The following USP33 variants were observed in gnomAD, a reference collection of about 807,000 sequenced individuals.
USP33 encodes ubiquitin carboxyl-terminal hydrolase 33.
A neutral mutation model predicts 124.2 loss-of-function variants in USP33; 46 were observed. That is an observed-to-expected ratio of 0.37 (90% CI 0.29 to 0.47). The LOEUF is 0.47. USP33 is among the 20% of genes least tolerant of loss of function. The pLI is 0.99. For synonymous variants in USP33, 350 were observed against 352.3 expected (o/e 0.99, Z 0.07); for missense variants, 851 against 1,070.6 (o/e 0.79, Z 2.86).
chr1:77,719,572 G>A (rs935201201), intron 15 of USP33, among the ~76,000 whole-genome samples: 1 of 152,010 alleles, frequency 6.6e-6, no homozygotes, highest in African/African-American at 2.4e-5. Context: ...CAAACTCTTG[G>A]CCAGGCACCG....
At chr1:77,742,809 G>A (rs1233425656) in intron 1 of USP33, among the ~76,000 whole-genome samples, 14 of 151,940 alleles carry the variant, frequency 9.2e-5, no homozygotes, top group Non-Finnish European at 1.8e-4. Context: ...TTCCTTTGTG[G>A]TTTATAAGTT....
intron 16 of USP33, among the ~76,000 whole-genome samples, chr1:77,718,310 G>C (rs1676153701): frequency 6.6e-6 from 1 of 152,292 alleles, no homozygotes; most frequent in South Asian, 2.1e-4. Context: ...TGGAAATGGT[G>C]AAACATGGTA....
chr1:77,723,288 T>G lies in USP33; in HGVS notation c.1389+43A>C, dbSNP rs1676785435. ...CATCTTGTCACATTTTTAAAAATCA[T>G]TTGACACGAATTTTCTGTGTATTCT... is the stretch of plus-strand genomic sequence containing the variant. On this transcript the variant is annotated intron_variant, in intron 12 of 23. Coordinates refer to ENST00000370794, the MANE Select transcript of USP33 (RefSeq NM_201624.3). 3.6e-6 allele frequency: 5 copies of G among 1,406,060 alleles called. No individual in the cohort carries two copies. The East Asian group carries it at 1.2e-4, about 32-fold the overall frequency. 87.1% of individuals were successfully genotyped at this position (1,406,060 alleles called of 1,614,324 possible).
chr1:77,703,497 G>T (rs955773222), intron 21 of USP33, among the ~76,000 whole-genome samples: 9 of 152,188 alleles, frequency 5.9e-5, no homozygotes, highest in Non-Finnish European at 1.3e-4. Context: ...GGTGGTGGGT[G>T]CCTGTAATCC....
intron 1 of USP33, among the ~76,000 whole-genome samples, chr1:77,749,192 C>T (rs921474085): frequency 1.3e-5 from 2 of 152,124 alleles, no homozygotes; most frequent in African/African-American, 2.4e-5. Context: ...TTTACTCATT[C>T]CCAATCTTGT....
chr1:77,696,807 G>A lies in USP33; in HGVS notation c.*510C>T, dbSNP rs1378774870. The A allele has an allele frequency of 6.6e-6, 1 of 152,390 alleles. No homozygotes were observed. Among genetic ancestry groups the A allele is most frequent in the Non-Finnish European group, 1.5e-5 (1 of 68,228 alleles). The allele number at this position is 152,390 out of a possible 1,614,324, so 9.4% of individuals were successfully genotyped here. A position where few individuals can be genotyped will look rare whatever the true frequency, so the allele number is the denominator to read the frequency against. On this transcript the variant is annotated 3_prime_UTR_variant, in exon 24 of 24. Transcript: ENST00000370794. ...TTTCAAAAATATTACACTGGGCCAG[G>A]CGCTGTGGCTCACACCTGTAATCCC...
intron 21 of USP33, among the ~76,000 whole-genome samples, chr1:77,705,981 G>C (rs540099560): frequency 6.6e-6 from 1 of 152,308 alleles, no homozygotes; most frequent in Admixed American, 6.5e-5. Context: ...TCATGGATCA[G>C]TACGCCATGA....
intron 1 of USP33, among the ~76,000 whole-genome samples, chr1:77,750,174 C>T (rs1429504826): frequency 1.3e-5 from 2 of 151,896 alleles, no homozygotes; most frequent in Admixed American, 6.6e-5. Context: ...AAAAATTAGC[C>T]GTGCATAGTG....
intron 21 of USP33, among the ~76,000 whole-genome samples, chr1:77,702,072 G>A (rs934329054): frequency 7.3e-6 from 1 of 136,924 alleles, no homozygotes; most frequent in Non-Finnish European, 1.5e-5. Context: ...AGCCCAGAAG[G>A]TTGAGACTAC....
chr1:77,738,360 C>T (rs2101535866), intron 5 of USP33, among the ~76,000 whole-genome samples: 1 of 152,270 alleles, frequency 6.6e-6, no homozygotes, highest in African/African-American at 2.4e-5. Context: ...GCCAACTATT[C>T]TAAGTTAATT....
rs1371934140 is a variant in USP33 at position 77,701,055 on chromosome 1, A to G, written c.2509+314T>C. On this transcript the variant is annotated intron_variant, in intron 22 of 23. Coordinates refer to ENST00000370794, the MANE Select transcript of USP33 (RefSeq NM_201624.3). ...AATATTGTCATACAATTTTACTTTA[A>G]AAGTCCACTGTATTGAATAAACCAT... Among the ~76,000 whole-genome samples the G allele has an allele frequency of 2.0e-5, 3 of 152,306 alleles. No individual in the cohort carries two copies. The East Asian group carries it at 5.8e-4, about 29-fold the overall frequency.
At chr1:77,718,069 A>C in intron 16 of USP33, 22 bp from the exon 17 acceptor site, 10 of 1,565,030 alleles carry the variant, frequency 6.4e-6, no homozygotes, top group Non-Finnish European at 8.7e-6. Context: ...TAAAATTCAA[A>C]ACTAATTTGT....
chr1:77,748,572 G>A (rs1456348713), intron 1 of USP33, among the ~76,000 whole-genome samples: 1 of 152,024 alleles, frequency 6.6e-6, no homozygotes, highest in Non-Finnish European at 1.5e-5. Flanking sequence ...AGGAGACTGA[G>A]GCAGGAGAAT....
chr1:77,699,565 G>A (rs1673777328), intron 22 of USP33, among the ~76,000 whole-genome samples: 1 of 152,170 alleles, frequency 6.6e-6, no homozygotes, highest in African/African-American at 2.4e-5. Context: ...AGGCTGTGGA[G>A]AAATGGGAAC....
intron 15 of USP33, among the ~76,000 whole-genome samples, chr1:77,718,868 G>T (rs1676225152): frequency 6.8e-6 from 1 of 148,012 alleles, no homozygotes; most frequent in Admixed American, 6.8e-5. Flanking sequence ...CACGGAGTTT[G>T]CAGAGAGCCA....
chr1:77,758,369 GA>G (rs1255844856), intron 1 of USP33, among the ~76,000 whole-genome samples: 1 of 151,832 alleles, frequency 6.6e-6, no homozygotes, highest in African/African-American at 2.4e-5. Flanking sequence ...TTTTAGTACA[GA>G]CGGGGTTTCA....
chr1:77,716,224 A>C (rs887361331), intron 17 of USP33, among the ~76,000 whole-genome samples: 7 of 151,784 alleles, frequency 4.6e-5, no homozygotes, highest in Admixed American at 2.0e-4. Flanking sequence ...ACACCCAGCT[A>C]ATTTATTTTT....
At chr1:77,707,614 CAGAG>C (rs776093339) in intron 21 of USP33, among the ~76,000 whole-genome samples, 1 of 152,068 alleles carries the variant, frequency 6.6e-6, no homozygotes, top group East Asian at 1.9e-4. Flanking sequence ...TTTCCATACT[CAGAG>C]AGAGAAATTT....
Position 77,736,061 on chromosome 1 carries a change from G to A in USP33, c.449C>T (p.Ala150Val). The change falls in exon 6 of 24, where the codon GCC becomes GTC. Residue 150 changes from alanine to valine, a missense_variant. By Grantham distance (64) the Ala-to-Val change is moderately conservative. Transcript: ENST00000370794. ...IEADEEDELRARGLTGLKNIG... is the reference protein window; with the variant it reads ...IEADEEDELRVRGLTGLKNIG... ...GTTACACAGGATTAATTTACCTCTG[G>A]CCCTAAGTTCATCTTCTTCATCCGC... The A allele has an allele frequency of 6.2e-7, 1 of 1,607,578 alleles. No homozygotes were observed. Among genetic ancestry groups the A allele is most frequent in the South Asian group, 1.1e-5 (1 of 89,952 alleles).
Sources: gnomAD v4.1 joint callset for allele counts (sites outside exome capture counted in the v4.1 genomes callset) on GRCh38, gnomAD v4.1.1 for gene constraint, MANE v1.5 for transcripts, NCBI Gene and HGNC (gene_info 2026-07-23, HGNC 2026-07-21) for gene names.